The following CCSER1 variants were observed in gnomAD, a reference collection of about 807,000 sequenced individuals.
CCSER1 encodes coiled-coil serine rich protein 1, also known as serine-rich coiled-coil domain-containing protein 1.
In CCSER1, 41 loss-of-function variants were observed where a neutral mutation model predicts 82.0. That is an observed-to-expected ratio of 0.50 (90% CI 0.39 to 0.65). CCSER1 has a LOEUF of 0.65. CCSER1 is among the 30% of genes least tolerant of loss of function. The probability of loss-of-function intolerance (pLI) is 0.00; values close to 1 mark genes in which losing one functional copy is unlikely to be tolerated. For synonymous variants in CCSER1, 414 were observed against 383.9 expected (o/e 1.08, Z -0.92); for missense variants, 1,119 against 1,064.2 (o/e 1.05, Z -0.72).
At chr4:90,451,525 A>G (rs1311150635) in intron 4 of CCSER1, among the ~76,000 whole-genome samples, 1 of 152,202 alleles carries the variant, frequency 6.6e-6, no homozygotes, top group African/African-American at 2.4e-5. Flanking sequence ...GACAGGTTTT[A>G]TCTTTATCAA....
chr4:91,064,982 T>G (rs1288386415), intron 9 of CCSER1, among the ~76,000 whole-genome samples: 1 of 152,026 alleles, frequency 6.6e-6, no homozygotes, highest in African/African-American at 2.4e-5. Flanking sequence ...TTGCTTATAT[T>G]GTAAGTACAG....
chr4:90,858,625 C>T (rs997652829), intron 8 of CCSER1, among the ~76,000 whole-genome samples: 1 of 151,800 alleles, frequency 6.6e-6, no homozygotes, highest in African/African-American at 2.4e-5. Flanking sequence ...TTTTCCACTT[C>T]AAAGTGGTGT....
chr4:91,076,236 A>G (rs1721979147), intron 9 of CCSER1, among the ~76,000 whole-genome samples: 1 of 91,812 alleles, frequency 1.1e-5, no homozygotes, highest in African/African-American at 4.2e-5. Flanking sequence ...TCAATAATCT[A>G]GTGCCTAAAT....
chr4:91,414,876 A>G (rs912597369), intron 10 of CCSER1, among the ~76,000 whole-genome samples: 10 of 152,178 alleles, frequency 6.6e-5, no homozygotes, highest in African/African-American at 2.4e-4. Flanking sequence ...AACATAACAA[A>G]TGTAAGTATA....
intron 7 of CCSER1, among the ~76,000 whole-genome samples, chr4:90,771,817 G>A (rs1463792137): frequency 1.3e-5 from 2 of 151,870 alleles, no homozygotes; most frequent in Admixed American, 1.3e-4. Flanking sequence ...TGTATCCTCT[G>A]GTTTCCTGTT....
intron 1 of CCSER1, among the ~76,000 whole-genome samples, chr4:90,211,205 T>C (rs756250483): frequency 3.2e-4 from 49 of 152,224 alleles, no homozygotes; most frequent in African/African-American, 1.1e-3. Context: ...AATCCCCATG[T>C]GCAACAAGAT....
intron 3 of CCSER1, among the ~76,000 whole-genome samples, chr4:90,324,991 C>T (rs1028416304): frequency 5.5e-4 from 84 of 152,200 alleles, no homozygotes; most frequent in Admixed American, 1.9e-3. Flanking sequence ...ATATACGTGG[C>T]GTTATTTCTG....
At chr4:90,516,532 A>G (rs1401657672) in intron 5 of CCSER1, among the ~76,000 whole-genome samples, 2 of 152,168 alleles carry the variant, frequency 1.3e-5, no homozygotes, top group African/African-American at 4.8e-5. Context: ...GTTGAGGGTC[A>G]CACTCAGCTA....
intron 9 of CCSER1, among the ~76,000 whole-genome samples, chr4:91,024,411 G>A (rs1226601866): frequency 1.3e-5 from 2 of 151,862 alleles, no homozygotes; most frequent in African/African-American, 4.8e-5. Flanking sequence ...CCAAAAAATG[G>A]TTTGTAATAC....
intron 9 of CCSER1, among the ~76,000 whole-genome samples, chr4:90,951,943 C>T (rs1215442049): frequency 6.6e-6 from 1 of 151,216 alleles, no homozygotes; most frequent in Non-Finnish European, 1.5e-5. Context: ...ATTTTACACG[C>T]ACACACATAC....
chr4:91,577,747 T>C (rs1763518452), intron 10 of CCSER1, among the ~76,000 whole-genome samples: 1 of 152,020 alleles, frequency 6.6e-6, no homozygotes, highest in African/African-American at 2.4e-5. Context: ...CTGCCTTTTA[T>C]TTCAGGATAT....
intron 10 of CCSER1, among the ~76,000 whole-genome samples, chr4:91,146,671 T>G (rs553244004): frequency 6.6e-6 from 1 of 152,270 alleles, no homozygotes; most frequent in Admixed American, 6.5e-5. Context: ...GTATGTTGTT[T>G]ATAGTCAATT....
chr4:91,376,086 TCCAAA>T (rs1303237906), intron 10 of CCSER1, among the ~76,000 whole-genome samples: 4 of 152,060 alleles, frequency 2.6e-5, no homozygotes, highest in Non-Finnish European at 1.5e-5. Context: ...AGCAGAAAAG[TCCAAA>T]CCAAACTTAA....
At chr4:91,036,058 A>C (rs1244835893) in intron 9 of CCSER1, among the ~76,000 whole-genome samples, 12 of 152,208 alleles carry the variant, frequency 7.9e-5, no homozygotes, top group Non-Finnish European at 1.0e-4. Flanking sequence ...GGGGTATCTG[A>C]AAATATGTTT....
chr4:91,393,320 T>C (rs1482218962), intron 10 of CCSER1, among the ~76,000 whole-genome samples: 1 of 152,096 alleles, frequency 6.6e-6, no homozygotes, highest in Non-Finnish European at 1.5e-5. Context: ...TTGGGTTCTT[T>C]TCCTGAACAA....
chr4:91,166,336 A>C (rs894011803), intron 10 of CCSER1, among the ~76,000 whole-genome samples: 1 of 152,218 alleles, frequency 6.6e-6, no homozygotes, highest in Middle Eastern at 3.2e-3. Flanking sequence ...ACTATGTGTC[A>C]GTCACTGTAC....
intron 7 of CCSER1, among the ~76,000 whole-genome samples, chr4:90,741,503 A>G (rs573521138): frequency 7.9e-4 from 121 of 152,224 alleles, no homozygotes; most frequent in Non-Finnish European, 1.2e-3. Flanking sequence ...AATACGTGAT[A>G]TATACATCAG....
rs139562292 is a variant in CCSER1 at position 90,665,875 on chromosome 4, G to T, written c.1932+37643G>T. ...CAGTCTTCAAGGTGTTGGCAGTTTG[G>T]GCTCTTATGTGGACCTTCTGACAGT... On this transcript the variant is annotated intron_variant, in intron 6 of 10. Transcript: ENST00000509176. 8.8e-3 allele frequency among the ~76,000 whole-genome samples: 1,343 copies of T among 152,220 alleles called. 12 individuals are homozygous for T. The highest frequency in any genetic ancestry group is 0.012 in the Non-Finnish European group (783 of 68,014).
intron 9 of CCSER1, among the ~76,000 whole-genome samples, chr4:91,059,351 A>ACATATAGTGTATATATATGTGTATATATG (rs1743752624): frequency 1.3e-5 from 2 of 150,120 alleles, no homozygotes; most frequent in African/African-American, 2.4e-5. Flanking sequence ...GTGTATATAT[A>ACATATAGTGTATATATATGTGTATATATG]CACGTGTGTA....
Sources: gnomAD v4.1 joint callset for allele counts (sites outside exome capture counted in the v4.1 genomes callset) on GRCh38, gnomAD v4.1.1 for gene constraint, MANE v1.5 for transcripts, NCBI Gene and HGNC (gene_info 2026-07-23, HGNC 2026-07-21) for gene names.